The following SCN1A variants were observed in gnomAD, a reference collection of about 807,000 sequenced individuals.
SCN1A encodes the protein sodium channel protein type 1 subunit alpha.
In SCN1A, 13 loss-of-function variants were observed where a neutral mutation model predicts 193.7. The ratio of observed to expected loss-of-function variants is 0.07; its 90% confidence interval spans 0.04 to 0.11. The LOEUF (loss-of-function observed/expected upper bound fraction) is 0.11. Among genes scored for constraint, SCN1A ranks in the 10% least tolerant of loss-of-function variants. The pLI is 1.00. For synonymous variants in SCN1A, 781 were observed against 843.6 expected (o/e 0.93, Z 1.29); for missense variants, 1,432 against 2,451.1 (o/e 0.58, Z 8.78).
intron 2 of SCN1A, among the ~76,000 whole-genome samples, chr2:166,108,876 A>G (rs1225521940): frequency 6.6e-6 from 1 of 152,172 alleles, no homozygotes; most frequent in Non-Finnish European, 1.5e-5. Context: ...ATGAGATTGT[A>G]ATGATTGCTG....
At chr2:166,099,924 A>G (rs1687849749) in intron 2 of SCN1A, among the ~76,000 whole-genome samples, 1 of 118,672 alleles carries the variant, frequency 8.4e-6, no homozygotes, top group Non-Finnish European at 1.8e-5. Context: ...TATCGTGAAA[A>G]TGGCCATACT....
At chr2:166,114,156 T>A (rs1325095044) in intron 2 of SCN1A, among the ~76,000 whole-genome samples, 1 of 152,180 alleles carries the variant, frequency 6.6e-6, no homozygotes, top group Non-Finnish European at 1.5e-5. Flanking sequence ...TATCAAGAAC[T>A]CTAAGAAGAA....
At chr2:166,020,023 G>A (rs188728376) in intron 19 of SCN1A, among the ~76,000 whole-genome samples, 199 of 150,950 alleles carry the variant, frequency 1.3e-3, no homozygotes, top group African/African-American at 4.5e-3. Context: ...CCATTCTCCT[G>A]CCTCAGCCTC....
At chr2:166,050,236 C>T (rs1698375764) in intron 9 of SCN1A, among the ~76,000 whole-genome samples, 1 of 151,648 alleles carries the variant, frequency 6.6e-6, no homozygotes, top group African/African-American at 2.4e-5. Context: ...TCAGCCTTAA[C>T]CTGAGGAAAA....
At chr2:166,133,038 TA>T (rs1235990461) in intron 1 of SCN1A, among the ~76,000 whole-genome samples, 2 of 152,226 alleles carry the variant, frequency 1.3e-5, no homozygotes, top group Non-Finnish European at 2.9e-5. Flanking sequence ...AAAATTTTAT[TA>T]AAAGTATTTT....
upstream of SCN1A, among the ~76,000 whole-genome samples, chr2:166,132,211 C>G (rs1691688108): frequency 6.6e-6 from 1 of 152,158 alleles, no homozygotes; most frequent in Admixed American, 6.5e-5. Context: ...TGGATTTAAA[C>G]TCAGACCTTA....
intron 1 of SCN1A, among the ~76,000 whole-genome samples, chr2:166,142,103 G>C (rs1692111365): frequency 6.6e-6 from 1 of 152,160 alleles, no homozygotes. Flanking sequence ...GATACATGTA[G>C]GATATATGTA....
upstream of SCN1A, among the ~76,000 whole-genome samples, chr2:166,131,548 G>T (rs1384233934): frequency 1.3e-5 from 2 of 152,154 alleles, no homozygotes; most frequent in African/African-American, 4.8e-5. Context: ...TCACTCAGGT[G>T]GAAAAAGCTG....
intron 2 of SCN1A, among the ~76,000 whole-genome samples, chr2:166,121,718 T>C (rs1196890784): frequency 1.3e-5 from 2 of 152,196 alleles, no homozygotes; most frequent in Non-Finnish European, 2.9e-5. Context: ...CAAAAAAATA[T>C]CAATTTAACC....
intron 4 of SCN1A, among the ~76,000 whole-genome samples, chr2:166,069,843 A>T (rs1684230977): frequency 6.6e-6 from 1 of 152,182 alleles, no homozygotes; most frequent in African/African-American, 2.4e-5. Context: ...TATCAGCATT[A>T]GTGGAAAATC....
intron 4 of SCN1A, among the ~76,000 whole-genome samples, chr2:166,067,700 C>G (rs1416619426): frequency 1.6e-5 from 2 of 128,370 alleles, no homozygotes; most frequent in Non-Finnish European, 3.3e-5. Flanking sequence ...GAGTACATAG[C>G]TTTTTTTTTT....
At chr2:166,052,546 A>C (rs1200632002) in intron 8 of SCN1A, among the ~76,000 whole-genome samples, 1 of 151,856 alleles carries the variant, frequency 6.6e-6, no homozygotes, top group African/African-American at 2.4e-5. Flanking sequence ...TAATGACTCT[A>C]ATGAATAAGA....
intron 21 of SCN1A, among the ~76,000 whole-genome samples, chr2:166,012,990 T>G (rs1692741998): frequency 6.6e-6 from 1 of 151,314 alleles, no homozygotes; most frequent in Non-Finnish European, 1.5e-5. Flanking sequence ...TGTGTTAGAA[T>G]TATAAAAAGT....
At chr2:166,081,276 T>C (rs915298169) in intron 2 of SCN1A, among the ~76,000 whole-genome samples, 2 of 151,962 alleles carry the variant, frequency 1.3e-5, no homozygotes, top group Non-Finnish European at 2.9e-5. Flanking sequence ...GTACGATAGC[T>C]CACAATGAAG....
In SCN1A at chr2:166,123,223, C is replaced by CAAAAAAAAAAAAAAAAAAAA. The variant is rs57488795; in HGVS notation, c.-142+3681_-142+3700dup. On this transcript the variant is annotated intron_variant, in intron 2 of 28. Coordinates refer to ENST00000674923, the MANE Select transcript of SCN1A (RefSeq NM_001165963.4). Reference sequence around the variant, plus strand: ...AATCACATTCCTACTCATTCATTTGCAAAAAAAAAAAAAAAAAAAAAAAAA... The same window carrying CAAAAAAAAAAAAAAAAAAAA: ...AATCACATTCCTACTCATTCATTTGCAAAAAAAAAAAAAAAAAAAAAAAAAAAAAAAAAAAAAAAAAAAAA... Among the ~76,000 whole-genome samples, 3 of 116,414 alleles carry CAAAAAAAAAAAAAAAAAAAA rather than the reference C, an allele frequency of 2.6e-5. 1 individual carries two copies. Among genetic ancestry groups the CAAAAAAAAAAAAAAAAAAAA allele is most frequent in the African/African-American group, 1.0e-4 (3 of 28,962 alleles). 76.4% of individuals were successfully genotyped at this position (116,414 alleles called of 152,430 possible). A position where few individuals can be genotyped will look rare whatever the true frequency, so the allele number is the denominator to read the frequency against.
intron 27 of SCN1A, among the ~76,000 whole-genome samples, chr2:165,994,712 G>C (rs919762497): frequency 6.6e-6 from 1 of 151,660 alleles, no homozygotes; most frequent in East Asian, 1.9e-4. Flanking sequence ...ACTTCTTCCA[G>C]AGGTATGCAA....
At chr2:166,029,038 A>AT (rs1475724946) in intron 19 of SCN1A, among the ~76,000 whole-genome samples, 1 of 152,142 alleles carries the variant, frequency 6.6e-6, no homozygotes, top group African/African-American at 2.4e-5. Context: ...GAGAAAAGGT[A>AT]TAACGATGAG....
intron 26 of SCN1A, 140 bp from the exon 27 acceptor site, chr2:165,996,257 TA>T (rs902985928): frequency 5.0e-5 from 29 of 577,952 alleles, no homozygotes; most frequent in East Asian, 1.5e-4. Flanking sequence ...ATTTAAAATG[TA>T]AAAAAAATTG....
intron 19 of SCN1A, among the ~76,000 whole-genome samples, chr2:166,021,312 GC>G (rs1694029866): frequency 6.6e-6 from 1 of 152,104 alleles, no homozygotes; most frequent in South Asian, 2.1e-4. Flanking sequence ...AAGTGTTAGT[GC>G]TTTTTCTAGA....
Sources: gnomAD v4.1 joint callset for allele counts (sites outside exome capture counted in the v4.1 genomes callset) on GRCh38, gnomAD v4.1.1 for gene constraint, MANE v1.5 for transcripts, NCBI Gene and HGNC (gene_info 2026-07-23, HGNC 2026-07-21) for gene names.